NEGR1: variants seen among roughly 807,000 people sequenced by gnomAD.
NEGR1 encodes IgLON family member 4.
In NEGR1, 10 loss-of-function variants were observed where a neutral mutation model predicts 40.9. The observed-to-expected ratio is 0.24, with a 90% CI of 0.15 to 0.42. NEGR1 has a LOEUF of 0.42. NEGR1 is among the 10% of genes least tolerant of loss of function. The pLI is 1.00. For synonymous variants in NEGR1, 185 were observed against 166.8 expected, an observed-to-expected ratio of 1.11 and a Z score of -0.84; for missense variants, 352 against 438.9, an observed-to-expected ratio of 0.80 and a Z score of 1.77.
At chr1:71,434,578 T>A (rs763679604) in intron 6 of NEGR1, among the ~76,000 whole-genome samples, 1 of 152,198 alleles carries the variant, frequency 6.6e-6, no homozygotes, top group Non-Finnish European at 1.5e-5. Context: ...TTTTAAACCA[T>A]GTTTAGTGCA....
intron 5 of NEGR1, among the ~76,000 whole-genome samples, chr1:71,608,675 G>T (rs369412799): frequency 1.3e-5 from 2 of 152,128 alleles, no homozygotes; most frequent in African/African-American, 4.8e-5. Context: ...ACTTTGAAAG[G>T]TATGTAAAAT....
At chr1:72,269,124 G>T (rs942566641) in intron 1 of NEGR1, among the ~76,000 whole-genome samples, 1 of 151,646 alleles carries the variant, frequency 6.6e-6, no homozygotes, top group Non-Finnish European at 1.5e-5. Context: ...ACTTCTACCA[G>T]CTAGCAGAAA....
intron 1 of NEGR1, among the ~76,000 whole-genome samples, chr1:71,939,602 C>A (rs1336166919): frequency 6.6e-6 from 1 of 151,998 alleles, no homozygotes; most frequent in Non-Finnish European, 1.5e-5. Flanking sequence ...GTGAATGATA[C>A]AGAGGATGTG....
chr1:71,692,424 A>C (rs1425967493), intron 4 of NEGR1, among the ~76,000 whole-genome samples: 2 of 151,752 alleles, frequency 1.3e-5, no homozygotes, highest in Admixed American at 6.6e-5. Flanking sequence ...TATGAATTCA[A>C]ATAACTCTGT....
intron 2 of NEGR1, among the ~76,000 whole-genome samples, chr1:71,831,784 T>C (rs1189386223): frequency 1.5e-5 from 2 of 134,818 alleles, no homozygotes; most frequent in East Asian, 4.1e-4. Context: ...AGACCAAGGA[T>C]ATTTTGGGCT....
At chr1:71,626,914 A>G (rs1222290392) in intron 4 of NEGR1, among the ~76,000 whole-genome samples, 2 of 152,224 alleles carry the variant, frequency 1.3e-5, no homozygotes, top group Admixed American at 6.6e-5. Context: ...ATCACTGGCC[A>G]TCAGAGAAAT....
intron 1 of NEGR1, among the ~76,000 whole-genome samples, chr1:72,250,302 T>C (rs1049721488): frequency 6.6e-6 from 1 of 152,094 alleles, no homozygotes; most frequent in Non-Finnish European, 1.5e-5. Flanking sequence ...TTCAATTGAT[T>C]CTCTTCCCCT....
intron 4 of NEGR1, among the ~76,000 whole-genome samples, chr1:71,647,111 T>C (rs1327822392): frequency 2.6e-5 from 4 of 151,750 alleles, no homozygotes; most frequent in African/African-American, 9.7e-5. Flanking sequence ...AGAGAATTCT[T>C]TATATTGGCC....
chr1:71,947,995 T>G (rs1036323035), intron 1 of NEGR1, among the ~76,000 whole-genome samples: 1 of 152,152 alleles, frequency 6.6e-6, no homozygotes, highest in African/African-American at 2.4e-5. Flanking sequence ...AGGAGACAAC[T>G]GAATATATGT....
At chr1:72,107,672 A>C in intron 1 of NEGR1, among the ~76,000 whole-genome samples, 1 of 151,550 alleles carries the variant, frequency 6.6e-6, no homozygotes, top group Non-Finnish European at 1.5e-5. Flanking sequence ...TATCAACAGA[A>C]TCTTATATAT....
chr1:71,527,690 T>C (rs1244110471), intron 6 of NEGR1, among the ~76,000 whole-genome samples: 1 of 151,460 alleles, frequency 6.6e-6, no homozygotes, highest in African/African-American at 2.4e-5. Flanking sequence ...CATTCACTAA[T>C]TTATTTATTC....
intron 2 of NEGR1, among the ~76,000 whole-genome samples, chr1:71,903,526 A>G (rs1242215856): frequency 6.6e-6 from 1 of 151,972 alleles, no homozygotes; most frequent in African/African-American, 2.4e-5. Flanking sequence ...TGTGACCTCA[A>G]TCTTTCATCA....
intron 1 of NEGR1, among the ~76,000 whole-genome samples, chr1:72,084,647 A>T (rs973534048): frequency 1.2e-4 from 19 of 152,092 alleles, no homozygotes; most frequent in African/African-American, 4.1e-4. Context: ...CTTAATACTG[A>T]TGTGTTGAGT....
chr1:71,730,644 A>G (rs1654831336), intron 3 of NEGR1, among the ~76,000 whole-genome samples: 1 of 148,878 alleles, frequency 6.7e-6, no homozygotes, highest in Admixed American at 6.7e-5. Flanking sequence ...CATTTTTGAA[A>G]GCCATTTTAA....
chr1:71,763,773 CTG>C (rs1557643271), intron 3 of NEGR1, among the ~76,000 whole-genome samples: 14 of 114,028 alleles, frequency 1.2e-4, no homozygotes, highest in Admixed American at 8.4e-4. Flanking sequence ...GTGTGTGTGT[CTG>C]TGTGTGTGTG....
intron 1 of NEGR1, among the ~76,000 whole-genome samples, chr1:72,245,502 AC>A (rs2100520841): frequency 6.6e-6 from 1 of 152,248 alleles, no homozygotes; most frequent in Admixed American, 6.5e-5. Flanking sequence ...ACGTTAAGAT[AC>A]TATGGCATCA....
At chr1:71,603,897 CAT>C (rs1170490420) in intron 5 of NEGR1, among the ~76,000 whole-genome samples, 2 of 152,130 alleles carry the variant, frequency 1.3e-5, no homozygotes, top group African/African-American at 4.8e-5. Context: ...CTCATGGGAA[CAT>C]ATGTTTTAAA....
intron 3 of NEGR1, among the ~76,000 whole-genome samples, chr1:71,707,943 T>A (rs1484574485): frequency 6.6e-6 from 1 of 152,170 alleles, no homozygotes; most frequent in African/African-American, 2.4e-5. Context: ...ACAGCATTAC[T>A]GGGCTTGGGA....
intron 1 of NEGR1, among the ~76,000 whole-genome samples, chr1:72,155,481 T>C (rs1289862260): frequency 3.3e-5 from 5 of 152,036 alleles, no homozygotes; most frequent in Admixed American, 6.6e-5. Flanking sequence ...AGTAATTTAA[T>C]CATGACCCAA....
Sources: allele counts gnomAD v4.1 joint callset (sites outside exome capture counted in the v4.1 genomes callset), GRCh38; gene constraint gnomAD v4.1.1; transcripts MANE v1.5; gene names NCBI Gene and HGNC (gene_info 2026-07-23, HGNC 2026-07-21).